Variants in RPTOR observed in about 807,000 individuals in gnomAD.
RPTOR encodes the protein regulatory-associated protein of mTOR.
A neutral mutation model predicts 169.9 loss-of-function variants in RPTOR; 21 were observed. That is an observed-to-expected ratio of 0.12 (90% confidence interval 0.09 to 0.18). The LOEUF (loss-of-function observed/expected upper bound fraction) is 0.18. Ranked by LOEUF, RPTOR falls within the 10% of genes least tolerant of loss-of-function variation. The pLI, the probability that RPTOR is intolerant of heterozygous loss-of-function variation, is 1.00. For missense variants in RPTOR, 1,133 were observed against 1,855.9 expected (o/e 0.61, Z 7.16); for synonymous variants, 732 against 753.2 (o/e 0.97, Z 0.46).
chr17:80,918,768 C>T (rs2068710218), intron 21 of RPTOR, among the ~76,000 whole-genome samples: 1 of 152,190 alleles, frequency 6.6e-6, no homozygotes, highest in Non-Finnish European at 1.5e-5. Flanking sequence ...GGCAGAGCCC[C>T]GTCCCTGTGC....
chr17:80,933,287 T>A (rs2068919618), intron 24 of RPTOR, among the ~76,000 whole-genome samples: 1 of 152,238 alleles, frequency 6.6e-6, no homozygotes, highest in Admixed American at 6.5e-5. Flanking sequence ...AGCAGTATTG[T>A]ACCCACAAGC....
chr17:80,816,165 A>C (rs148026612), intron 7 of RPTOR, among the ~76,000 whole-genome samples: 1 of 152,198 alleles, frequency 6.6e-6, no homozygotes, highest in Admixed American at 6.5e-5. Context: ...AGAACCTTGT[A>C]TGTTTGGGGG....
chr17:80,895,459 T>G (rs2068386934), intron 20 of RPTOR, among the ~76,000 whole-genome samples: 1 of 152,198 alleles, frequency 6.6e-6, no homozygotes, highest in African/African-American at 2.4e-5. Context: ...CCCATCTCTC[T>G]CCCCTGGAGC....
At chr17:80,590,833 T>G (rs2065099601) in intron 1 of RPTOR, among the ~76,000 whole-genome samples, 1 of 152,244 alleles carries the variant, frequency 6.6e-6, no homozygotes, top group Non-Finnish European at 1.5e-5. Flanking sequence ...AATATGAGTT[T>G]GAGGAGTGTT....
intron 21 of RPTOR, among the ~76,000 whole-genome samples, chr17:80,915,846 G>T (rs2068667318): frequency 6.6e-6 from 1 of 151,726 alleles, no homozygotes; most frequent in Non-Finnish European, 1.5e-5. Flanking sequence ...CCACTCCAGG[G>T]TCTCCTCTCT....
chr17:80,845,242 G>A lies in RPTOR; in HGVS notation c.1213-1231G>A, dbSNP rs1490932833. On this transcript the variant is annotated intron_variant, in intron 10 of 33. Coordinates refer to ENST00000306801, the MANE Select transcript of RPTOR (RefSeq NM_020761.3). This position sits in a 1 kb window ranked among gnomAD's most constrained non-coding sequence, Gnocchi z 5.4. Reference sequence around the variant, plus strand: ...TGCACTCACGTGGCTGGGCTAACTGGGAGCTCGGGCCCACCCGGTGTGGCC... The same window carrying A: ...TGCACTCACGTGGCTGGGCTAACTGAGAGCTCGGGCCCACCCGGTGTGGCC... Among the ~76,000 whole-genome samples, 1 of 152,116 alleles carries A rather than the reference G, an allele frequency of 6.6e-6. No individual in the cohort carries two copies. Among genetic ancestry groups the A allele is most frequent in the Non-Finnish European group, 1.5e-5 (1 of 68,016 alleles).
chr17:80,797,380 T>C (rs952976332), intron 7 of RPTOR, among the ~76,000 whole-genome samples: 10 of 152,258 alleles, frequency 6.6e-5, no homozygotes, highest in African/African-American at 2.4e-4. Context: ...ACTCCTGACC[T>C]CAGATGATCT....
chr17:80,564,264 G>A (rs1380387448), intron 1 of RPTOR, among the ~76,000 whole-genome samples: 2 of 151,872 alleles, frequency 1.3e-5, no homozygotes, highest in Non-Finnish European at 2.9e-5. Flanking sequence ...GGGTTTTACC[G>A]TGTTAGCAAG....
chr17:80,799,297 C>A (rs1448448360), intron 7 of RPTOR, among the ~76,000 whole-genome samples: 1 of 152,226 alleles, frequency 6.6e-6, no homozygotes, highest in Admixed American at 6.5e-5. Flanking sequence ...CGTGGAAACC[C>A]CACCACAACA....
intron 5 of RPTOR, among the ~76,000 whole-genome samples, chr17:80,738,266 T>C (rs1460398834): frequency 6.6e-6 from 1 of 152,236 alleles, no homozygotes; most frequent in Non-Finnish European, 1.5e-5. Context: ...CATTTCACAG[T>C]TGGTGGGACA....
intron 7 of RPTOR, among the ~76,000 whole-genome samples, chr17:80,809,437 C>T (rs764155097): frequency 1.5e-4 from 23 of 152,188 alleles, no homozygotes; most frequent in Non-Finnish European, 2.5e-4. Flanking sequence ...AGTGATCCAC[C>T]CACCTCGGCC....
intron 10 of RPTOR, among the ~76,000 whole-genome samples, chr17:80,839,071 A>G (rs183680161): frequency 1.3e-5 from 2 of 152,148 alleles, no homozygotes; most frequent in African/African-American, 2.4e-5. Flanking sequence ...CAGACTTTTA[A>G]CTTTCAGTGC....
At chr17:80,743,531 G>C (rs559648488) in intron 5 of RPTOR, 2 of 838,278 alleles carry the variant, frequency 2.4e-6, no homozygotes, top group Admixed American at 6.2e-5. Flanking sequence ...AGGTCTGAAA[G>C]AGGTCATCAG....
chr17:80,693,604 C>T (rs1003881538), intron 3 of RPTOR, among the ~76,000 whole-genome samples: 2 of 152,310 alleles, frequency 1.3e-5, no homozygotes, highest in Non-Finnish European at 1.5e-5. Flanking sequence ...GAGAACATTA[C>T]GAGTTACTGT....
Position 80,845,469 on chromosome 17 carries a change from C to T in RPTOR, c.1213-1004C>T, listed in dbSNP as rs1247184062. ...AGTCGCATGACCGCCTCTGCCGGGT[C>T]CTCCAGCCCTCCCCCTGCTTCTCTG... On this transcript the variant is annotated intron_variant, in intron 10 of 33. Coordinates refer to ENST00000306801, the MANE Select transcript of RPTOR (RefSeq NM_020761.3). This position sits in a 1 kb window ranked among gnomAD's most constrained non-coding sequence, Gnocchi z 5.4. Among the ~76,000 whole-genome samples the T allele has an allele frequency of 2.6e-5, 4 of 152,126 alleles. No individual in the cohort carries two copies. Among genetic ancestry groups the T allele is most frequent in the Admixed American group, 2.0e-4 (3 of 15,280 alleles).
intron 5 of RPTOR, among the ~76,000 whole-genome samples, chr17:80,739,239 T>G (rs2066462360): frequency 2.3e-5 from 2 of 87,840 alleles, no homozygotes; most frequent in Non-Finnish European, 5.1e-5. Flanking sequence ...CAGTGGAGTT[T>G]CTGGCTGAAG....
intron 1 of RPTOR, among the ~76,000 whole-genome samples, chr17:80,619,279 G>A (rs1450636912): frequency 6.6e-6 from 1 of 152,214 alleles, no homozygotes; most frequent in South Asian, 2.1e-4. Flanking sequence ...ACAGAAGGCA[G>A]TGATTGGGCT....
intron 10 of RPTOR, among the ~76,000 whole-genome samples, chr17:80,840,761 C>G (rs1437671330): frequency 2.3e-5 from 3 of 132,888 alleles, no homozygotes; most frequent in Non-Finnish European, 3.2e-5. Context: ...TCTCACCACA[C>G]GGCAGCTCTC....
At chr17:80,807,306 C>CT (rs1003560993) in intron 7 of RPTOR, among the ~76,000 whole-genome samples, 9 of 151,298 alleles carry the variant, frequency 5.9e-5, no homozygotes, top group Non-Finnish European at 1.2e-4. Context: ...TTGCTTCATC[C>CT]TTTTTTTTTC....
Sources: allele counts gnomAD v4.1 joint callset (sites outside exome capture counted in the v4.1 genomes callset), GRCh38; gene constraint gnomAD v4.1.1; non-coding constraint Gnocchi (gnomAD v3.1); transcripts MANE v1.5; gene names NCBI Gene and HGNC (gene_info 2026-07-23, HGNC 2026-07-21).